GRIPAP1: variants seen among roughly 807,000 people sequenced by gnomAD.
GRIPAP1 encodes GRIP1 associated protein 1.
In GRIPAP1, 14 loss-of-function variants were observed where a neutral mutation model predicts 84.1. The ratio of observed to expected loss-of-function variants is 0.17; its 90% CI spans 0.11 to 0.26. The LOEUF (loss-of-function observed/expected upper bound fraction) is 0.26. Ranked by LOEUF, GRIPAP1 falls within the 10% of genes least tolerant of loss-of-function variation. The pLI is 1.00. For missense variants in GRIPAP1, 518 were observed against 674.2 expected, an observed-to-expected ratio of 0.77 and a Z score of 2.57; for synonymous variants, 261 against 256.8, an observed-to-expected ratio of 1.02 and a Z score of -0.15.
intron 4 of GRIPAP1, 46 bp downstream of exon 4, chrX:48,998,105 CCCA>C (rs1569520142): frequency 1.0e-6 from 1 of 996,696 alleles, no homozygotes; most frequent in Admixed American, 2.2e-5. Context: ...ACAGAAATAG[CCCA>C]CCAAGACATC....
In GRIPAP1 at chrX:48,983,696, A is replaced by G. The variant is rs1254449113; in HGVS notation, c.1272+79T>C. 1.5e-5 allele frequency: 10 copies of G among 650,407 alleles called. No homozygotes were observed. In the East Asian group the frequency reaches 2.6e-4, roughly 17 times the overall value. The allele number at this position is 650,407 out of a possible 1,213,427, so 53.6% of individuals were successfully genotyped here. ...CCCTCCTATCCCCACATGTTTGGTT[A>G]TATCACCTCCTCCCATCCCCATGGA... On this transcript the variant is annotated intron_variant, in intron 15 of 25. Transcript: ENST00000376423.
chrX:48,981,829 T>C lies in GRIPAP1; in HGVS notation c.1643A>G (p.Lys548Arg). The change falls in exon 18 of 26, where the codon AAG (lysine) becomes AGG (arginine). Residue 548 changes from lysine to arginine, a missense_variant. Physicochemically the swap from Lys to Arg is conservative, Grantham distance 26. Coordinates refer to ENST00000376423, the MANE Select transcript of GRIPAP1 (RefSeq NM_020137.5). ...GGCAGCGTGCTGCTCCCGACACTGCTTGAGGGCTTCCTCTTGTTCCTGCTG... is the reference window on the plus strand; with the variant it reads ...GGCAGCGTGCTGCTCCCGACACTGCCTGAGGGCTTCCTCTTGTTCCTGCTG... ...QQQQEQEEAL[K>R]QCREQHAAEL... The C allele has an allele frequency of 3.0e-5, 35 of 1,174,115 alleles. No homozygotes were observed. The highest frequency in any genetic ancestry group is 4.0e-5 in the Non-Finnish European group (35 of 875,628).
chrX:49,002,239 C>A lies in GRIPAP1; in HGVS notation c.-10G>T. 9.0e-7 allele frequency: 1 copy of A among 1,111,707 alleles called. No individual in the cohort carries two copies. Among genetic ancestry groups the A allele is most frequent in the Non-Finnish European group, 1.2e-6 (1 of 813,857 alleles). The allele number at this position is 1,111,707 out of a possible 1,213,427, so 91.6% of individuals were successfully genotyped here. On this transcript the variant is annotated 5_prime_UTR_variant, in exon 1 of 26. Coordinates refer to ENST00000376423, the MANE Select transcript of GRIPAP1 (RefSeq NM_020137.5). The stretch of plus-strand genomic sequence containing the variant: ...ACAGAGCTTGCGCCATGTTCCTCCC[C>A]CCACCCCCCCGCCAGCTTTCTGCGC...
In GRIPAP1 at chrX:48,990,618, T is replaced by C. The variant is rs993638510; in HGVS notation, c.690+67A>G. ...GTACAATGCCCCTTCTGCCCTAGGA[T>C]TGGGAATGGAATGGGAAAGAATCCA... On this transcript the variant is annotated intron_variant, in intron 8 of 25. Transcript: ENST00000376423. 6 of 932,593 alleles carry C rather than the reference T, an allele frequency of 6.4e-6. No homozygotes were observed. In the African/African-American group the frequency reaches 9.7e-5, roughly 15 times the overall value. 76.9% of individuals were successfully genotyped at this position (932,593 alleles called of 1,213,427 possible).
rs186780571 is a variant in GRIPAP1, at chrX:49,001,728, C to A, written c.42+460G>T. On this transcript the variant is annotated intron_variant, in intron 1 of 25. Transcript: ENST00000376423. ...CCCCAATCCCCGGGCACAGTGGTAT[C>A]TCCCCCAAAACTTACCACCTCCCAC... Among the ~76,000 whole-genome samples the A allele has an allele frequency of 9.2e-4, 101 of 110,271 alleles. 2 individuals carry two copies. Among genetic ancestry groups the A allele is most frequent in the Middle Eastern group, 4.7e-3 (1 of 214 alleles).
At chrX:48,975,965 G>A in intron 24 of GRIPAP1, 53 bp downstream of exon 24, 2 of 998,327 alleles carry the variant, frequency 2.0e-6, no homozygotes, top group Admixed American at 2.2e-5. Context: ...AATGGAGAGG[G>A]AGGGCCAGGT....
intron 21 of GRIPAP1, chrX:48,980,901 G>T: frequency 3.6e-6 from 1 of 280,852 alleles, no homozygotes; most frequent in Admixed American, 6.0e-5. Flanking sequence ...AAAAAAGAGA[G>T]AGAAAAGGAG....
chrX:48,988,393 T>G (rs1454015581), intron 11 of GRIPAP1, 195 bp from the exon 12 acceptor site: 2 of 427,795 alleles, frequency 4.7e-6, no homozygotes, highest in Admixed American at 8.0e-5. Flanking sequence ...AGTCAACCCC[T>G]CTATCCCAGC....
chrX:48,979,822 C>T (rs1191971334), intron 21 of GRIPAP1, among the ~76,000 whole-genome samples: 1 of 110,130 alleles, frequency 9.1e-6, no homozygotes, highest in Non-Finnish European at 1.9e-5. Context: ...CCGTGTTGGC[C>T]AGGCTGGTCT....
chrX:49,001,887 C>T (rs2147753923), intron 1 of GRIPAP1, among the ~76,000 whole-genome samples: 1 of 110,984 alleles, frequency 9.0e-6, no homozygotes, highest in African/African-American at 3.3e-5. Flanking sequence ...TTATCATCAC[C>T]CGCCGACGGT....
At chrX:48,983,897 T>C in intron 14 of GRIPAP1, 27 bp from the exon 15 acceptor site, 1 of 937,708 alleles carries the variant, frequency 1.1e-6, no homozygotes, top group Non-Finnish European at 1.5e-6. Flanking sequence ...AGGGAAAGAG[T>C]TTGATAAAGA....
chrX:48,983,855 T>C lies in GRIPAP1; in HGVS notation c.1192A>G (p.Asn398Asp), dbSNP rs782738995. 3 of 1,161,958 alleles carry C rather than the reference T, an allele frequency of 2.6e-6. No individual in the cohort carries two copies. The Admixed American group carries it at 6.5e-5, about 25-fold the overall frequency. ...NSQLQESLRA[N>D]SRLLEQLQEI... ...TGAAGTTGTTCCAGCAGTCGACTAT[T>C]GGCCCGTAATGACTCCTAATGCAGA... Residue 398 changes from asparagine to aspartate, a missense_variant, in exon 15 of 26, where the codon AAT (asparagine) becomes GAT (aspartate). Coordinates refer to ENST00000376423, the MANE Select transcript of GRIPAP1 (RefSeq NM_020137.5).
chrX:49,001,289 C>T lies in GRIPAP1; in HGVS notation c.42+899G>A, dbSNP rs190114083. ...ACAGGGACAGCTGGTTTCCCTCATT[C>T]AAGGACCAATTGGATTACCTGTCCT... On this transcript the variant is annotated intron_variant, in intron 1 of 25. Coordinates refer to ENST00000376423, the MANE Select transcript of GRIPAP1 (RefSeq NM_020137.5). Among the ~76,000 whole-genome samples, 3 of 110,212 alleles carry T rather than the reference C, an allele frequency of 2.7e-5. No homozygotes were observed. In the East Asian group the frequency reaches 8.6e-4, roughly 32 times the overall value.
chrX:48,995,824 T>A lies in GRIPAP1; in HGVS notation c.306+1426A>T, dbSNP rs781948562. 9.0e-5 allele frequency among the ~76,000 whole-genome samples: 10 copies of A among 111,097 alleles called. 1 individual carries two copies. Among genetic ancestry groups the A allele is most frequent in the Admixed American group, 8.6e-4 (9 of 10,413 alleles). On this transcript the variant is annotated intron_variant, in intron 5 of 25. Coordinates refer to ENST00000376423, the MANE Select transcript of GRIPAP1 (RefSeq NM_020137.5). The stretch of plus-strand genomic sequence containing the variant: ...GTTAGCCAGGATGGTCTCCATCTCC[T>A]GACCTCATGATCTGCCTGCCTTGGC...
intron 24 of GRIPAP1, 93 bp downstream of exon 24, chrX:48,975,925 C>T (rs1355658309): frequency 3.0e-5 from 22 of 732,438 alleles, no homozygotes; most frequent in Non-Finnish European, 4.2e-5. Context: ...CGCTGAGTTC[C>T]GAGAGGAGAG....
At chrX:48,975,577 A>G in intron 24 of GRIPAP1, 1 of 357,906 alleles carries the variant, frequency 2.8e-6, no homozygotes, top group Non-Finnish European at 4.8e-6. Flanking sequence ...TCCTCAGCAC[A>G]TGTTGGTCAG....
Position 48,997,339 on chromosome X carries a change from T to A in GRIPAP1, c.217A>T (p.Ser73Cys). Residue 73 changes from serine to cysteine, a missense_variant, in exon 5 of 26, where the codon AGT becomes TGT. Coordinates refer to ENST00000376423, the MANE Select transcript of GRIPAP1 (RefSeq NM_020137.5). ...TTTGCCTGCAGCATCTCATTTTCAC[T>A]CAGCAATACCTCGACTTCCTGCAGT... ...KKAQEVEVLLSENEMLQAKLH... is the reference protein window; with the variant it reads ...KKAQEVEVLLCENEMLQAKLH... 1 of 1,160,293 alleles carries A rather than the reference T, an allele frequency of 8.6e-7. No homozygotes were observed. Among genetic ancestry groups the A allele is most frequent in the Non-Finnish European group, 1.2e-6 (1 of 857,560 alleles).
intron 21 of GRIPAP1, among the ~76,000 whole-genome samples, chrX:48,979,535 TA>T (rs1318146340): frequency 9.9e-6 from 1 of 101,407 alleles, no homozygotes; most frequent in African/African-American, 3.6e-5. Flanking sequence ...CCCACGCACC[TA>T]AATCTCAGTT....
At chrX:48,975,641 C>A (rs2064417997) in intron 24 of GRIPAP1, 2 of 315,563 alleles carry the variant, frequency 6.3e-6, no homozygotes, top group African/African-American at 2.7e-5. Context: ...TGAAAGAAAG[C>A]AAAAGCAATG....
Sources: allele counts gnomAD v4.1 joint callset (sites outside exome capture counted in the v4.1 genomes callset), GRCh38; gene constraint gnomAD v4.1.1; transcripts MANE v1.5; gene names NCBI Gene and HGNC (gene_info 2026-07-23, HGNC 2026-07-21).